Variants in LRRC37A2 observed in about 807,000 individuals in gnomAD.
LRRC37A2 encodes the protein leucine rich repeat containing 37 member A2.
Under a neutral mutation model 68.8 loss-of-function variants are expected in LRRC37A2, and 9 were observed. The observed-to-expected ratio is 0.13, with a 90% CI of 0.08 to 0.23. The LOEUF is 0.23. LRRC37A2 is among the 10% of genes least tolerant of loss of function. LRRC37A2 has a pLI of 1.00. For missense variants in LRRC37A2, 168 were observed against 950.4 expected, an observed-to-expected ratio of 0.18 and a Z score of 10.82; for synonymous variants, 63 against 367.6, an observed-to-expected ratio of 0.17 and a Z score of 9.48.
chr17:46,904,409 G>A, the LRRC37A2 span, among the ~76,000 whole-genome samples: 4 of 150,658 alleles, frequency 2.7e-5, no homozygotes, highest in Non-Finnish European at 5.9e-5. Context: ...TGGATGGATG[G>A]GTTGGTGGGT....
chr17:46,773,876 C>A, the LRRC37A2 span: 1 of 1,612,536 alleles, frequency 6.2e-7, no homozygotes, highest in Non-Finnish European at 8.5e-7. Flanking sequence ...GCTGTGAGCC[C>A]AGAGATGTGT....
At chr17:46,793,036 G>A in the LRRC37A2 span, among the ~76,000 whole-genome samples, 1 of 151,564 alleles carries the variant, frequency 6.6e-6, no homozygotes, top group African/African-American at 2.4e-5. Context: ...AGGCCGAGGC[G>A]GGAGGAGCAC....
the LRRC37A2 span, among the ~76,000 whole-genome samples, chr17:46,988,948 G>A: frequency 6.6e-6 from 1 of 152,164 alleles, no homozygotes; most frequent in African/African-American, 2.4e-5. Context: ...GAGAAGGTGC[G>A]AATAGAGGAA....
the LRRC37A2 span, among the ~76,000 whole-genome samples, chr17:46,805,570 G>A: frequency 2.0e-5 from 3 of 152,038 alleles, no homozygotes; most frequent in Non-Finnish European, 2.9e-5. Context: ...TGAAAACTCT[G>A]TCTCAAAAAT....
the LRRC37A2 span, among the ~76,000 whole-genome samples, chr17:46,716,963 C>G: frequency 6.6e-6 from 1 of 152,102 alleles, no homozygotes; most frequent in East Asian, 1.9e-4. Context: ...CTGAACAATC[C>G]CTTTTTGTTG....
chr17:46,996,761 C>T, the LRRC37A2 span, among the ~76,000 whole-genome samples: 290 of 152,372 alleles, frequency 1.9e-3, 2 homozygotes, highest in African/African-American at 6.8e-3. Flanking sequence ...GCCTCCCGCT[C>T]AGGCCTCCCA....
chr17:46,942,477 G>C, the LRRC37A2 span, among the ~76,000 whole-genome samples: 1 of 152,332 alleles, frequency 6.6e-6, no homozygotes, highest in Non-Finnish European at 1.5e-5. Context: ...GGAACCATGG[G>C]CCCACTTAAT....
chr17:46,867,057 G>T, the LRRC37A2 span, among the ~76,000 whole-genome samples: 1 of 152,192 alleles, frequency 6.6e-6, no homozygotes, highest in Admixed American at 6.5e-5. Flanking sequence ...TTCTGATCTG[G>T]GTCCCTAAGC....
At chr17:46,936,005 T>C in the LRRC37A2 span, 536 of 985,818 alleles carry the variant, frequency 5.4e-4, no homozygotes, top group African/African-American at 8.3e-3. Flanking sequence ...ATGTTGAGTC[T>C]GTCAGCTCCA....
chr17:46,873,086 T>TCA, the LRRC37A2 span, among the ~76,000 whole-genome samples: 1,518 of 139,888 alleles, frequency 0.011, 20 homozygotes, highest in East Asian at 0.034. Flanking sequence ...CTCTGCCTCT[T>TCA]CACACACACA....
At chr17:46,794,373 G>T in the LRRC37A2 span, among the ~76,000 whole-genome samples, 4 of 152,170 alleles carry the variant, frequency 2.6e-5, no homozygotes, top group Non-Finnish European at 5.9e-5. Flanking sequence ...AGAAGCCCAG[G>T]CCCTATATGC....
chr17:46,458,852 T>G, the LRRC37A2 span, among the ~76,000 whole-genome samples: 3 of 106,348 alleles, frequency 2.8e-5, no homozygotes, highest in Non-Finnish European at 6.4e-5. Context: ...CCCATGGGAA[T>G]TGTAAACCAT....
the LRRC37A2 span, among the ~76,000 whole-genome samples, chr17:46,958,073 C>G: frequency 4.9e-4 from 75 of 152,268 alleles, no homozygotes; most frequent in African/African-American, 1.7e-3. Flanking sequence ...GGTCACCTCA[C>G]CCGTAACCCA....
the LRRC37A2 span, among the ~76,000 whole-genome samples, chr17:46,759,338 G>A: frequency 1.6e-4 from 24 of 152,344 alleles, no homozygotes; most frequent in Admixed American, 7.8e-4. Context: ...TCCTGGAGAC[G>A]AGCCCACAAG....
chr17:46,829,070 T>C, the LRRC37A2 span, among the ~76,000 whole-genome samples: 1 of 152,264 alleles, frequency 6.6e-6, no homozygotes. Flanking sequence ...GAAAATGTTT[T>C]GGAATTAGTG....
the LRRC37A2 span, among the ~76,000 whole-genome samples, chr17:46,924,669 C>T: frequency 1.3e-5 from 2 of 152,086 alleles, no homozygotes; most frequent in African/African-American, 2.4e-5. Flanking sequence ...TTTGGACAGG[C>T]GAAAATACAG....
the LRRC37A2 span, chr17:46,932,248 G>A: frequency 2.7e-5 from 43 of 1,609,588 alleles, no homozygotes; most frequent in Non-Finnish European, 3.7e-5. Context: ...CAGATCGTGG[G>A]GGCTGGAGTT....
the LRRC37A2 span, among the ~76,000 whole-genome samples, chr17:46,876,000 G>C: frequency 6.6e-6 from 1 of 151,668 alleles, no homozygotes; most frequent in African/African-American, 2.4e-5. Flanking sequence ...TTCAGTCACT[G>C]AGTTGGTGTG....
chr17:46,920,431 GA>G, the LRRC37A2 span, among the ~76,000 whole-genome samples: 1 of 152,028 alleles, frequency 6.6e-6, no homozygotes. Flanking sequence ...TAGAAAAAGT[GA>G]AAAAAATAAT....
Sources: allele counts gnomAD v4.1 joint callset (sites outside exome capture counted in the v4.1 genomes callset), GRCh38; gene constraint gnomAD v4.1.1; transcripts MANE v1.5; gene names NCBI Gene and HGNC (gene_info 2026-07-23, HGNC 2026-07-21).